PTPRD: variants seen among roughly 807,000 people sequenced by gnomAD.
PTPRD encodes receptor-type tyrosine-protein phosphatase delta.
A neutral mutation model predicts 214.5 loss-of-function variants in PTPRD; 34 were observed. The observed-to-expected ratio is 0.16, with a 90% CI of 0.12 to 0.21. PTPRD has a LOEUF of 0.21. Ranked by LOEUF, PTPRD falls within the 10% of genes least tolerant of loss-of-function variation. The pLI, the probability that PTPRD is intolerant of heterozygous loss-of-function variation, is 1.00. For synonymous variants in PTPRD, 1,128 were observed against 845.7 expected, an observed-to-expected ratio of 1.33 and a Z score of -5.79; for missense variants, 2,545 against 2,398.7, an observed-to-expected ratio of 1.06 and a Z score of -1.27.
intron 11 of PTPRD, among the ~76,000 whole-genome samples, chr9:8,776,891 T>C (rs2154491012): frequency 6.8e-6 from 1 of 147,308 alleles, no homozygotes; most frequent in South Asian, 2.1e-4. Context: ...ATATGAATAT[T>C]ATATAATACA....
intron 6 of PTPRD, among the ~76,000 whole-genome samples, chr9:9,737,881 A>G (rs550696898): frequency 7.9e-5 from 12 of 152,182 alleles, no homozygotes; most frequent in African/African-American, 2.7e-4. Flanking sequence ...TGGTAATTCT[A>G]TGTGTTTGAT....
intron 2 of PTPRD, among the ~76,000 whole-genome samples, chr9:10,518,830 C>A (rs1170983729): frequency 2.0e-5 from 3 of 151,720 alleles, no homozygotes; most frequent in Non-Finnish European, 4.4e-5. Context: ...CCGCGCTCAG[C>A]CTTACATTGT....
At chr9:8,335,670 G>A (rs548203305) in intron 43 of PTPRD, among the ~76,000 whole-genome samples, 2 of 152,200 alleles carry the variant, frequency 1.3e-5, no homozygotes, top group African/African-American at 2.4e-5. Flanking sequence ...AAGAAGTAAC[G>A]GGTATTCAAT....
At chr9:10,046,069 T>G (rs73641828) in intron 3 of PTPRD, among the ~76,000 whole-genome samples, 1 of 151,788 alleles carries the variant, frequency 6.6e-6, no homozygotes, top group Non-Finnish European at 1.5e-5. Flanking sequence ...TACCTTCCTT[T>G]AATTTGATAT....
chr9:10,277,352 T>A (rs1007164435), intron 3 of PTPRD, among the ~76,000 whole-genome samples: 4 of 152,114 alleles, frequency 2.6e-5, no homozygotes, highest in African/African-American at 7.2e-5. Flanking sequence ...TTTTCCAAAA[T>A]AATCTTCCAT....
intron 5 of PTPRD, among the ~76,000 whole-genome samples, chr9:9,856,045 T>G (rs2061492310): frequency 6.6e-6 from 1 of 152,096 alleles, no homozygotes; most frequent in African/African-American, 2.4e-5. Flanking sequence ...GCAGGGGATT[T>G]TATTGCTGAT....
intron 11 of PTPRD, among the ~76,000 whole-genome samples, chr9:8,778,050 G>A (rs1459058399): frequency 6.6e-6 from 1 of 152,174 alleles, no homozygotes; most frequent in African/African-American, 2.4e-5. Context: ...TAATTCAGAT[G>A]TGGGCTCTCA....
At chr9:9,954,210 C>A (rs1453386418) in intron 4 of PTPRD, among the ~76,000 whole-genome samples, 2 of 145,670 alleles carry the variant, frequency 1.4e-5, no homozygotes, top group Non-Finnish European at 3.0e-5. Context: ...GGATGAGAAT[C>A]GCTTGAACCT....
In PTPRD at chr9:8,977,902, C is replaced by T. The variant is rs548115777; in HGVS notation, c.-104+40795G>A. ...TAGCAGGTCTTACAGAGAAAGGTGGCCAGTAAAATACTCTCAGTTACAAAT... is the reference window on the plus strand; with the variant it reads ...TAGCAGGTCTTACAGAGAAAGGTGGTCAGTAAAATACTCTCAGTTACAAAT... On this transcript the variant is annotated intron_variant, in intron 11 of 45. Transcript: ENST00000381196. Among the ~76,000 whole-genome samples, 16 of 152,056 alleles carry T rather than the reference C, an allele frequency of 1.1e-4. No homozygotes were observed. In the South Asian group the frequency reaches 3.3e-3, roughly 32 times the overall value.
intron 7 of PTPRD, among the ~76,000 whole-genome samples, chr9:9,585,790 G>A (rs2091835880): frequency 6.6e-6 from 1 of 151,226 alleles, no homozygotes; most frequent in Admixed American, 6.6e-5. Flanking sequence ...ATTCAGCCAT[G>A]CATCATTTGC....
At chr9:8,593,508 G>A (rs988197166) in intron 14 of PTPRD, among the ~76,000 whole-genome samples, 1 of 152,166 alleles carries the variant, frequency 6.6e-6, no homozygotes, top group African/African-American at 2.4e-5. Flanking sequence ...ATAACTAGTA[G>A]ATCTTCTCAA....
intron 2 of PTPRD, among the ~76,000 whole-genome samples, chr9:10,423,217 G>A (rs59166869): frequency 0.11 from 16,699 of 151,734 alleles, 2,048 homozygotes; most frequent in African/African-American, 0.3. Context: ...AGAAAACCAA[G>A]CACCGCATGT....
rs185262749 is a variant in PTPRD at position 10,501,292 on chromosome 9, T to C, written c.-600+111106A>G. On this transcript the variant is annotated intron_variant, in intron 2 of 45. Coordinates refer to ENST00000381196, the MANE Select transcript of PTPRD (RefSeq NM_002839.4). ...TGATTTGTATTTCTCTGCTGATCAA[T>C]GATGTTGAGCAACTTTTTAGATATC... Among the ~76,000 whole-genome samples, 5 of 152,192 alleles carry C rather than the reference T, an allele frequency of 3.3e-5. No homozygotes were observed. In the East Asian group the frequency reaches 7.7e-4, roughly 23 times the overall value.
At chr9:9,990,695 G>A (rs555779234) in intron 4 of PTPRD, among the ~76,000 whole-genome samples, 1 of 152,304 alleles carries the variant, frequency 6.6e-6, no homozygotes, top group East Asian at 1.9e-4. Flanking sequence ...ACTCAGCCCT[G>A]TTGCATTGAT....
chr9:8,435,178 A>G (rs1344792339), intron 35 of PTPRD, among the ~76,000 whole-genome samples: 1 of 152,224 alleles, frequency 6.6e-6, no homozygotes, highest in African/African-American at 2.4e-5. Context: ...TTGGTTTTCC[A>G]GCACAGTAAC....
intron 11 of PTPRD, among the ~76,000 whole-genome samples, chr9:8,953,445 G>T (rs1472562581): frequency 3.3e-5 from 5 of 151,876 alleles, no homozygotes; most frequent in Admixed American, 2.0e-4. Context: ...CCTTGGCAAA[G>T]AATTTGTAGC....
intron 7 of PTPRD, among the ~76,000 whole-genome samples, chr9:9,669,706 T>G (rs2821478): frequency 6.6e-6 from 1 of 151,964 alleles, no homozygotes; most frequent in African/African-American, 2.4e-5. Context: ...TCTGGCCAGT[T>G]TGAATAACTT....
chr9:9,689,452 T>G (rs922283444), intron 7 of PTPRD, among the ~76,000 whole-genome samples: 1 of 151,920 alleles, frequency 6.6e-6, no homozygotes, highest in African/African-American at 2.4e-5. Context: ...ATGTAATATA[T>G]CTATGATCTT....
chr9:10,243,907 G>A (rs536199767), intron 3 of PTPRD, among the ~76,000 whole-genome samples: 12 of 151,860 alleles, frequency 7.9e-5, no homozygotes, highest in South Asian at 4.1e-4. Context: ...TCCCTGCACC[G>A]AACTGCTAGA....
Sources: gnomAD v4.1 joint callset for allele counts (sites outside exome capture counted in the v4.1 genomes callset) on GRCh38, gnomAD v4.1.1 for gene constraint, MANE v1.5 for transcripts, NCBI Gene and HGNC (gene_info 2026-07-23, HGNC 2026-07-21) for gene names.